Variants in KCNH5 observed in about 807,000 individuals in gnomAD.
KCNH5 encodes potassium voltage-gated channel subfamily H member 5.
Under a neutral mutation model 96.1 loss-of-function variants are expected in KCNH5, and 46 were observed. That is an observed-to-expected ratio of 0.48 (90% CI 0.38 to 0.61). The LOEUF (loss-of-function observed/expected upper bound fraction) is 0.61. Among genes scored for constraint, KCNH5 ranks in the 20% least tolerant of loss-of-function variants. KCNH5 has a pLI of 0.00. For synonymous variants in KCNH5, 439 were observed against 449.8 expected, an observed-to-expected ratio of 0.98 and a Z score of 0.30; for missense variants, 907 against 1,225.8, an observed-to-expected ratio of 0.74 and a Z score of 3.88.
At chr14:62,989,528 CACTT>C (rs1566530165) in intron 4 of KCNH5, among the ~76,000 whole-genome samples, 1 of 152,032 alleles carries the variant, frequency 6.6e-6, no homozygotes, top group African/African-American at 2.4e-5. Flanking sequence ...TTCTGGCTAA[CACTT>C]ACTGGTAACT....
intron 3 of KCNH5, among the ~76,000 whole-genome samples, chr14:63,001,786 C>T (rs1891015794): frequency 6.6e-6 from 1 of 152,228 alleles, no homozygotes. Context: ...CTGGGTCCCT[C>T]AACCACTGCT....
chr14:62,850,145 A>G (rs536428058), intron 7 of KCNH5, among the ~76,000 whole-genome samples: 2 of 152,298 alleles, frequency 1.3e-5, no homozygotes, highest in African/African-American at 4.8e-5. Context: ...CTGAAGAATC[A>G]GATGATCCAA....
chr14:62,784,360 C>A (rs1886279442), intron 9 of KCNH5, among the ~76,000 whole-genome samples: 1 of 152,054 alleles, frequency 6.6e-6, no homozygotes. Context: ...GGAGAGACAG[C>A]CAAACCATAT....
Position 62,708,182 on chromosome 14 carries a change from G to C in KCNH5, c.2293C>G (p.Leu765Val), listed in dbSNP as rs767755091. The change falls in exon 11 of 11, where the codon CTG becomes GTG. Residue 765 changes from leucine (L) to valine (V), a missense_variant. Physicochemically the swap from Leu to Val is conservative, Grantham distance 32 (BLOSUM62 1). This residue lies in a region of KCNH5 where 362 missense variants were observed against 394.4 expected (regional missense o/e 0.92). Transcript: ENST00000322893. ...GATTCACTGGTTTTCACATAGGCCAGAGACGTCTGAATGGGAGTAATCTGT... is the reference window on the plus strand; with the variant it reads ...GATTCACTGGTTTTCACATAGGCCACAGACGTCTGAATGGGAGTAATCTGT... ...VSQITPIQTS[L>V]AYVKTSESLK... is the part of the protein sequence containing the mutation. 6.2e-7 allele frequency: 1 copy of C among 1,614,274 alleles called. No homozygotes were observed. Among genetic ancestry groups the C allele is most frequent in the Non-Finnish European group, 8.5e-7 (1 of 1,180,054 alleles).
chr14:62,773,594 A>G (rs565578029), intron 10 of KCNH5, among the ~76,000 whole-genome samples: 4 of 152,346 alleles, frequency 2.6e-5, no homozygotes, highest in Non-Finnish European at 2.9e-5. Flanking sequence ...ACACTTCAAC[A>G]AAGTGTCTCA....
chr14:62,873,285 T>C (rs1285627941), intron 7 of KCNH5, among the ~76,000 whole-genome samples: 1 of 152,154 alleles, frequency 6.6e-6, no homozygotes, highest in East Asian at 1.9e-4. Context: ...AAAAAAGGAA[T>C]GACAGTTTCA....
chr14:62,882,390 C>T (rs1290748272), intron 7 of KCNH5, among the ~76,000 whole-genome samples: 1 of 152,158 alleles, frequency 6.6e-6, no homozygotes, highest in African/African-American at 2.4e-5. Context: ...TATTGAGCTG[C>T]ATGCTGTAAT....
intron 3 of KCNH5, among the ~76,000 whole-genome samples, chr14:63,005,819 A>G (rs1891114443): frequency 6.6e-6 from 1 of 152,182 alleles, no homozygotes. Flanking sequence ...AAAGGTCACA[A>G]CAATCAACAC....
At chr14:62,936,542 G>T (rs1368453597) in intron 7 of KCNH5, among the ~76,000 whole-genome samples, 3 of 151,956 alleles carry the variant, frequency 2.0e-5, no homozygotes, top group African/African-American at 7.3e-5. Context: ...GGGCATGGTG[G>T]TGCATGCCTG....
At chr14:63,027,241 G>A (rs533519274) in intron 1 of KCNH5, among the ~76,000 whole-genome samples, 1 of 152,092 alleles carries the variant, frequency 6.6e-6, no homozygotes, top group South Asian at 2.1e-4. Flanking sequence ...ATTTCAGTTA[G>A]ACAGAAGGAA....
intron 1 of KCNH5, among the ~76,000 whole-genome samples, chr14:63,042,165 T>C (rs1045284699): frequency 2.0e-5 from 3 of 151,958 alleles, no homozygotes; most frequent in African/African-American, 7.2e-5. Flanking sequence ...CTCTGCTCTG[T>C]GTGTTTTGTT....
intron 7 of KCNH5, among the ~76,000 whole-genome samples, chr14:62,870,640 G>A (rs1888235098): frequency 6.6e-6 from 1 of 152,118 alleles, no homozygotes; most frequent in Admixed American, 6.5e-5. Flanking sequence ...TCTTTTATAG[G>A]ATAATGCATG....
At chr14:62,986,047 G>A (rs1403289503) in intron 5 of KCNH5, among the ~76,000 whole-genome samples, 1 of 152,084 alleles carries the variant, frequency 6.6e-6, no homozygotes, top group African/African-American at 2.4e-5. Flanking sequence ...TAATCTTAAT[G>A]TGTCTGCAAT....
intron 7 of KCNH5, among the ~76,000 whole-genome samples, chr14:62,948,239 T>C (rs997942050): frequency 3.3e-5 from 5 of 152,172 alleles, no homozygotes; most frequent in African/African-American, 1.2e-4. Flanking sequence ...GTTGGACATT[T>C]GGGTTGGTTC....
intron 7 of KCNH5, among the ~76,000 whole-genome samples, chr14:62,922,688 GAATGAAGAATAAAATTTT>G (rs1217036282): frequency 3.3e-5 from 5 of 151,922 alleles, no homozygotes; most frequent in African/African-American, 1.2e-4. Flanking sequence ...CACATTAACA[GAATGAAGAATAAAATTTT>G]CATGACCATC....
intron 1 of KCNH5, among the ~76,000 whole-genome samples, chr14:63,039,355 T>G (rs1006493075): frequency 6.6e-6 from 1 of 152,104 alleles, no homozygotes; most frequent in Non-Finnish European, 1.5e-5. Context: ...GTATTTAATT[T>G]TTAAAATTTG....
chr14:62,871,053 T>C lies in KCNH5; in HGVS notation c.1370-21201A>G, dbSNP rs186282724. On this transcript the variant is annotated intron_variant, in intron 7 of 10. Coordinates refer to ENST00000322893, the MANE Select transcript of KCNH5 (RefSeq NM_139318.5). ...ATATAACATATCAGTGAAAACTGTTTTCACTGCAATTGAACATCCACTTGT... is the reference window on the plus strand; with the variant it reads ...ATATAACATATCAGTGAAAACTGTTCTCACTGCAATTGAACATCCACTTGT... 1.1e-4 allele frequency among the ~76,000 whole-genome samples: 16 copies of C among 152,362 alleles called. No homozygotes were observed. In the East Asian group the frequency reaches 3.1e-3, roughly 29 times the overall value.
chr14:62,853,124 T>G (rs568602590), intron 7 of KCNH5, among the ~76,000 whole-genome samples: 1 of 152,130 alleles, frequency 6.6e-6, no homozygotes, highest in Non-Finnish European at 1.5e-5. Context: ...TTAAATCCAT[T>G]CTTTGATTCA....
chr14:62,984,795 G>A (rs901149548), intron 5 of KCNH5, among the ~76,000 whole-genome samples: 7 of 152,000 alleles, frequency 4.6e-5, no homozygotes, highest in African/African-American at 7.2e-5. Flanking sequence ...ATAGGAATAC[G>A]TTTCTCAAAA....
Sources: gnomAD v4.1 joint callset for allele counts (sites outside exome capture counted in the v4.1 genomes callset) on GRCh38, gnomAD v4.1.1 for gene constraint, gnomAD v4.1.1 regional missense constraint, MANE v1.5 for transcripts, NCBI Gene and HGNC (gene_info 2026-07-23, HGNC 2026-07-21) for gene names.